KCNQ1: variants seen among roughly 807,000 people sequenced by gnomAD.
The protein encoded by KCNQ1 is potassium voltage-gated channel subfamily KQT member 1.
Under a neutral mutation model 72.4 loss-of-function variants are expected in KCNQ1, and 49 were observed. That is an observed-to-expected ratio of 0.68 (90% CI 0.54 to 0.86). The LOEUF is 0.86. Ranked by LOEUF, KCNQ1 falls within the 40% of genes least tolerant of loss-of-function variation. KCNQ1 has a pLI of 0.00. For synonymous variants in KCNQ1, 450 were observed against 412.6 expected (o/e 1.09, Z -1.10); for missense variants, 790 against 945.1 (o/e 0.84, Z 2.15).
At chr11:2,470,717 G>A (rs1846437976) in intron 1 of KCNQ1, among the ~76,000 whole-genome samples, 1 of 146,994 alleles carries the variant, frequency 6.8e-6, no homozygotes, top group Non-Finnish European at 1.5e-5. Flanking sequence ...GGGGGGGGGT[G>A]CTTAGAATTT....
At position 2,677,081 on chromosome 11, in the gene KCNQ1, T is replaced by C. The variant is rs1449148556; in HGVS notation, c.1514+15000T>C. ...ACAGCAGCCATTAACCATTCAAATATATTCACTACTGAAATGACCACTTAT... is the reference window on the plus strand; with the variant it reads ...ACAGCAGCCATTAACCATTCAAATACATTCACTACTGAAATGACCACTTAT... On this transcript the variant is annotated intron_variant, in intron 11 of 15. Transcript: ENST00000155840. This position sits in a 1 kb window ranked among gnomAD's most constrained non-coding sequence, Gnocchi z 4.5. 2.5e-6 allele frequency: 1 copy of C among 398,632 alleles called. No homozygotes were observed. The highest frequency in any genetic ancestry group is 4.4e-6 in the Non-Finnish European group (1 of 226,060). The allele number at this position is 398,632 out of a possible 1,614,324, so 24.7% of individuals were successfully genotyped here.
In KCNQ1 at chr11:2,691,565, C is replaced by T. The variant is rs909321236; in HGVS notation, c.1514+29484C>T. ...TTCTCTATCCTGAGGTTATGAAATA[C>T]CTCAGCAAGGACGAGGCCTCCCTGA... is the stretch of plus-strand genomic sequence containing the variant. On this transcript the variant is annotated intron_variant, in intron 11 of 15. Coordinates refer to ENST00000155840, the MANE Select transcript of KCNQ1 (RefSeq NM_000218.3). This position sits in a 1 kb window ranked among gnomAD's most constrained non-coding sequence, Gnocchi z 6.4. 5 of 398,452 alleles carry T rather than the reference C, an allele frequency of 1.3e-5. No homozygotes were observed. The highest frequency in any genetic ancestry group is 2.2e-5 in the Non-Finnish European group (5 of 226,066). 24.7% of individuals were successfully genotyped at this position (398,452 alleles called of 1,614,324 possible). A position where few individuals can be genotyped will look rare whatever the true frequency, so the allele number is the denominator to read the frequency against.
chr11:2,607,731 T>C (rs1468758255), intron 10 of KCNQ1, among the ~76,000 whole-genome samples: 3 of 152,228 alleles, frequency 2.0e-5, no homozygotes, highest in Non-Finnish European at 2.9e-5. Flanking sequence ...GTTTTGTCTT[T>C]TATTCTGTTG....
Position 2,663,788 on chromosome 11 carries a change from G to A in KCNQ1, c.1514+1707G>A, listed in dbSNP as rs1850012554. ...TCACAGCCAAACTTGCAGCTGCCCA[G>A]TAAATCACCACTATGGGGGTGAGGG... On this transcript the variant is annotated intron_variant, in intron 11 of 15. Coordinates refer to ENST00000155840, the MANE Select transcript of KCNQ1 (RefSeq NM_000218.3). This position sits in a 1 kb window ranked among gnomAD's most constrained non-coding sequence, Gnocchi z 5.2. 1.0e-5 allele frequency: 4 copies of A among 398,606 alleles called. No individual in the cohort carries two copies. Among genetic ancestry groups the A allele is most frequent in the South Asian group, 2.5e-4 (2 of 7,862 alleles). 24.7% of individuals were successfully genotyped at this position (398,606 alleles called of 1,614,324 possible).
At position 2,710,257 on chromosome 11, in the gene KCNQ1, T is replaced by C. The variant is rs1377861788; in HGVS notation, c.1514+48176T>C. Among the ~76,000 whole-genome samples the C allele has an allele frequency of 2.6e-5, 4 of 152,270 alleles. No homozygotes were observed. The highest frequency in any genetic ancestry group is 2.6e-4 in the Admixed American group (4 of 15,292). ...ATGACTAATGATGTTGAGCATCTTA[T>C]TAGCCATTTGTATCTCTTCTTTGAA... On this transcript the variant is annotated intron_variant, in intron 11 of 15. Transcript: ENST00000155840. This position sits in a 1 kb window ranked among gnomAD's most constrained non-coding sequence, Gnocchi z 4.1.
At chr11:2,763,315 A>T (rs991392614) in intron 11 of KCNQ1, among the ~76,000 whole-genome samples, 2 of 151,860 alleles carry the variant, frequency 1.3e-5, no homozygotes, top group Non-Finnish European at 2.9e-5. Context: ...TGTAATACCA[A>T]CTACTTGGGA....
At chr11:2,560,024 C>T (rs542500490) in intron 2 of KCNQ1, among the ~76,000 whole-genome samples, 113 of 149,654 alleles carry the variant, frequency 7.6e-4, no homozygotes, top group African/African-American at 2.6e-3. Context: ...GGAGAGGCAG[C>T]GTCCCAAACA....
rs1319618551 is a variant in KCNQ1 at position 2,658,037 on chromosome 11, C to T, written c.1394-3924C>T. On this transcript the variant is annotated intron_variant, in intron 10 of 15. Transcript: ENST00000155840. The surrounding 1 kb of genome is among the most constrained non-coding windows in gnomAD (Gnocchi z 4.9). ...CTTTCCATAGCTTAGTCTTTAGAAGCGAGTCACTAAGTATAGCCCACACTC... is the reference window on the plus strand; with the variant it reads ...CTTTCCATAGCTTAGTCTTTAGAAGTGAGTCACTAAGTATAGCCCACACTC... 10 of 398,376 alleles carry T rather than the reference C, an allele frequency of 2.5e-5. No homozygotes were observed. The highest frequency in any genetic ancestry group is 8.2e-5 in the African/African-American group (4 of 48,564). The allele number at this position is 398,376 out of a possible 1,614,324, so 24.7% of individuals were successfully genotyped here. A position where few individuals can be genotyped will look rare whatever the true frequency, so the allele number is the denominator to read the frequency against.
intron 2 of KCNQ1, among the ~76,000 whole-genome samples, chr11:2,528,560 C>T (rs1262211984): frequency 1.3e-5 from 2 of 152,210 alleles, no homozygotes; most frequent in East Asian, 3.9e-4. Flanking sequence ...CAAAGTTGAT[C>T]TGGCCGTGAG....
In KCNQ1 at chr11:2,605,228, C is replaced by T. The variant is rs117372786; in HGVS notation, c.1393+16374C>T. On this transcript the variant is annotated intron_variant, in intron 10 of 15. Coordinates refer to ENST00000155840, the MANE Select transcript of KCNQ1 (RefSeq NM_000218.3). Reference sequence around the variant, plus strand: ...TAGATTATTTGCAAATATTTTCTCCCATCTGTAGGTTGTCTTTTCACTTTC... The same window carrying T: ...TAGATTATTTGCAAATATTTTCTCCTATCTGTAGGTTGTCTTTTCACTTTC... 4.3e-3 allele frequency among the ~76,000 whole-genome samples: 660 copies of T among 152,224 alleles called. 2 individuals are homozygous for T. The highest frequency in any genetic ancestry group is 7.5e-3 in the Non-Finnish European group (508 of 68,008).
At position 2,827,838 on chromosome 11, in the gene KCNQ1, G is replaced by A. The variant is rs1291384514; in HGVS notation, c.1795-19929G>A. 1.3e-5 allele frequency among the ~76,000 whole-genome samples: 2 copies of A among 152,202 alleles called. No homozygotes were observed. Among genetic ancestry groups the A allele is most frequent in the African/African-American group, 4.8e-5 (2 of 41,432 alleles). ...TGGTGGTACTGTTTTCCGGAATGAA[G>A]AGGAAGGGGCGGGCAGAAGGCAGCG... On this transcript the variant is annotated intron_variant, in intron 15 of 15. Transcript: ENST00000155840. This position sits in a 1 kb window ranked among gnomAD's most constrained non-coding sequence, Gnocchi z 6.7.
intron 7 of KCNQ1, 141 bp from the exon 8 acceptor site, chr11:2,585,071 G>A: frequency 2.6e-6 from 2 of 758,280 alleles, no homozygotes; most frequent in South Asian, 1.5e-5. Flanking sequence ...GGCAGGCTGG[G>A]CCCGAGGTGG....
At chr11:2,721,297 G>A (rs528118949) in intron 11 of KCNQ1, among the ~76,000 whole-genome samples, 27 of 152,306 alleles carry the variant, frequency 1.8e-4, no homozygotes, top group East Asian at 1.9e-4. Context: ...AAAGCTACCC[G>A]CAGGGGTCTG....
intron 10 of KCNQ1, chr11:2,646,213 G>A (rs1849663209): frequency 2.5e-6 from 1 of 398,488 alleles, no homozygotes; most frequent in African/African-American, 2.1e-5. Flanking sequence ...GAGGAGGTGA[G>A]TGCCAGATGC....
chr11:2,478,804 T>C lies in KCNQ1; in HGVS notation c.386+33320T>C, dbSNP rs566325821. Among the ~76,000 whole-genome samples the C allele has an allele frequency of 7.6e-4, 116 of 152,156 alleles. No individual in the cohort carries two copies. Among genetic ancestry groups the C allele is most frequent in the Non-Finnish European group, 1.3e-3 (87 of 68,036 alleles). ...ACTCATTTCAGCATTAACTCAAAAA[T>C]CTGCAGTCCAAAGTCTCATCTGAGA... On this transcript the variant is annotated intron_variant, in intron 1 of 15. Transcript: ENST00000155840. The surrounding 1 kb of genome is among the most constrained non-coding windows in gnomAD (Gnocchi z 4.0).
intron 2 of KCNQ1, among the ~76,000 whole-genome samples, chr11:2,532,890 G>C (rs1159480316): frequency 1.3e-5 from 2 of 152,168 alleles, no homozygotes; most frequent in South Asian, 4.1e-4. Context: ...GGGGCGCTTC[G>C]GGGAGGTACG....
rs1005111155 is a variant in KCNQ1 at position 2,720,077 on chromosome 11, C to T, written c.1515-48767C>T. Among the ~76,000 whole-genome samples the T allele has an allele frequency of 6.6e-6, 1 of 152,210 alleles. No individual in the cohort carries two copies. The highest frequency in any genetic ancestry group is 1.5e-5 in the Non-Finnish European group (1 of 68,038). On this transcript the variant is annotated intron_variant, in intron 11 of 15. Transcript: ENST00000155840. This position sits in a 1 kb window ranked among gnomAD's most constrained non-coding sequence, Gnocchi z 5.1. ...CCCTTACTGTCCGTGTCCCTCCATG[C>T]CAGCTCACTGGAGGGGCTCCTGCTG...
intron 11 of KCNQ1, among the ~76,000 whole-genome samples, chr11:2,760,125 C>T (rs1237029891): frequency 6.6e-6 from 1 of 152,242 alleles, no homozygotes; most frequent in East Asian, 1.9e-4. Context: ...CCAGCAGCCC[C>T]CACCCCAGCC....
At chr11:2,807,712 C>T (rs1213570752) in intron 15 of KCNQ1, among the ~76,000 whole-genome samples, 2 of 151,638 alleles carry the variant, frequency 1.3e-5, no homozygotes, top group African/African-American at 4.8e-5. Context: ...CCCACCCACC[C>T]GAGCTGCCTG....
Sources: allele counts gnomAD v4.1 joint callset (sites outside exome capture counted in the v4.1 genomes callset), GRCh38; gene constraint gnomAD v4.1.1; non-coding constraint Gnocchi (gnomAD v3.1); transcripts MANE v1.5; gene names NCBI Gene and HGNC (gene_info 2026-07-23, HGNC 2026-07-21).